Variants in RELN observed in about 807,000 individuals in gnomAD.
RELN encodes reelin.
Under a neutral mutation model 427.6 loss-of-function variants are expected in RELN, and 108 were observed. The ratio of observed to expected loss-of-function variants is 0.25; its 90% CI spans 0.22 to 0.30. RELN has a LOEUF of 0.30. Ranked by LOEUF, RELN falls within the 10% of genes least tolerant of loss-of-function variation. The probability of loss-of-function intolerance (pLI) is 1.00; values close to 1 mark genes in which losing one functional copy is unlikely to be tolerated. For synonymous variants in RELN, 1,524 were observed against 1,513.4 expected (o/e 1.01, Z -0.16); for missense variants, 3,715 against 4,302.8 (o/e 0.86, Z 3.82).
intron 46 of RELN, 43 bp downstream of exon 46, chr7:103,535,273 C>G (rs771534417): frequency 1.3e-6 from 2 of 1,595,748 alleles, no homozygotes; most frequent in Admixed American, 1.7e-5. Context: ...TTTGGGCTCA[C>G]TATACGTAGA....
intron 6 of RELN, among the ~76,000 whole-genome samples, chr7:103,733,758 G>A (rs1790418921): frequency 6.7e-6 from 1 of 149,692 alleles, no homozygotes; most frequent in African/African-American, 2.5e-5. Flanking sequence ...CATGGACACA[G>A]GAAGGGGAAC....
rs74423055 is a variant in RELN, at chr7:103,885,060, G to C, written c.337+32015C>G. On this transcript the variant is annotated intron_variant, in intron 2 of 64. Coordinates refer to ENST00000428762, the MANE Select transcript of RELN (RefSeq NM_005045.4). ...TGCTCATCAATGATAGACTGGATAGGCAGGCATAGTGGCTCACGCCTGTAA... is the reference window on the plus strand; with the variant it reads ...TGCTCATCAATGATAGACTGGATAGCCAGGCATAGTGGCTCACGCCTGTAA... 4.0e-3 allele frequency among the ~76,000 whole-genome samples: 606 copies of C among 152,038 alleles called. 23 individuals are homozygous for C. The East Asian group carries it at 0.073, about 18-fold the overall frequency.
At position 103,500,887 on chromosome 7, in the gene RELN, T is replaced by C. The variant is rs1447804180; in HGVS notation, c.8525A>G (p.Asp2842Gly). Reference sequence around the variant, plus strand: ...GAAATTATCGATTGCCCACTGCATGTCTGAGTACTTCTGATAGAACCTAAA... The same window carrying C: ...GAAATTATCGATTGCCCACTGCATGCCTGAGTACTTCTGATAGAACCTAAA... ...VRFRFYQKYSDMQWAIDNFYL... is the reference protein window; with the variant it reads ...VRFRFYQKYSGMQWAIDNFYL... The change falls in exon 53 of 65, where the codon GAC (aspartate) becomes GGC (glycine). Residue 2842 changes from aspartate (D) to glycine (G), a missense_variant. Around this residue, in one of 4 missense-constraint regions of RELN, gnomAD observed 1,310 missense variants for 1,643.0 expected, o/e 0.80. Transcript: ENST00000428762. 1 of 1,614,132 alleles carries C rather than the reference T, an allele frequency of 6.2e-7. No individual in the cohort carries two copies. Among genetic ancestry groups the C allele is most frequent in the East Asian group, 2.2e-5 (1 of 44,884 alleles).
intron 1 of RELN, among the ~76,000 whole-genome samples, chr7:103,983,022 G>T (rs888049468): frequency 1.3e-5 from 2 of 152,120 alleles, no homozygotes; most frequent in Non-Finnish European, 2.9e-5. Flanking sequence ...AGCTAATTCA[G>T]CATTAAAGGA....
rs556880312 is a variant in RELN at position 103,495,981 on chromosome 7, C to T, written c.9194-83G>A. 39 of 1,412,338 alleles carry T rather than the reference C, an allele frequency of 2.8e-5. 2 individuals carry two copies. In the South Asian group the frequency reaches 2.8e-4, roughly 10 times the overall value. 87.5% of individuals were successfully genotyped at this position (1,412,338 alleles called of 1,614,324 possible). On this transcript the variant is annotated intron_variant, in intron 56 of 64. Transcript: ENST00000428762. ...CAATATGGCATATTATTCTCTTGAA[C>T]TGACCGATTTATTGTTGAATTCCTT...
At chr7:103,733,119 A>G (rs999968262) in intron 6 of RELN, among the ~76,000 whole-genome samples, 3 of 152,202 alleles carry the variant, frequency 2.0e-5, no homozygotes, top group African/African-American at 7.2e-5. Context: ...CCCATCAAAA[A>G]GTGGGCGAAG....
intron 62 of RELN, 37 bp downstream of exon 62, chr7:103,483,616 G>A (rs781199064): frequency 1.9e-6 from 3 of 1,595,272 alleles, no homozygotes; most frequent in Non-Finnish European, 2.6e-6. Flanking sequence ...CAAAGGGATT[G>A]TGCATGAGAC....
At chr7:103,890,800 A>C (rs1794831620) in intron 2 of RELN, among the ~76,000 whole-genome samples, 1 of 152,174 alleles carries the variant, frequency 6.6e-6, no homozygotes, top group Admixed American at 6.5e-5. Flanking sequence ...TCCATTGTCC[A>C]GGCACGATGG....
At chr7:103,749,030 CATA>C (rs1486350427) in intron 6 of RELN, among the ~76,000 whole-genome samples, 1 of 152,112 alleles carries the variant, frequency 6.6e-6, no homozygotes, top group Admixed American at 6.5e-5. Context: ...CTGGAGTATA[CATA>C]ATGAGTTGAC....
At chr7:103,479,218 A>G (rs1164031027) in intron 63 of RELN, among the ~76,000 whole-genome samples, 2 of 152,188 alleles carry the variant, frequency 1.3e-5, no homozygotes, top group Non-Finnish European at 2.9e-5. Flanking sequence ...TGAGTGCCCA[A>G]CAAAAATGGT....
At chr7:103,680,118 C>A (rs906485970) in intron 11 of RELN, among the ~76,000 whole-genome samples, 2 of 151,722 alleles carry the variant, frequency 1.3e-5, no homozygotes, top group African/African-American at 2.4e-5. Context: ...CCCCCCCAAA[C>A]AATAAGAGCA....
chr7:103,494,144 G>T (rs1027141573), intron 57 of RELN, among the ~76,000 whole-genome samples: 3 of 152,144 alleles, frequency 2.0e-5, no homozygotes, highest in Non-Finnish European at 4.4e-5. Flanking sequence ...ACTAAGCTAA[G>T]AATACTCCTG....
intron 11 of RELN, among the ~76,000 whole-genome samples, chr7:103,672,395 C>A (rs919444442): frequency 6.6e-6 from 1 of 152,126 alleles, no homozygotes; most frequent in Non-Finnish European, 1.5e-5. Flanking sequence ...GGGCTCAGGA[C>A]TTCTATGAAG....
intron 2 of RELN, among the ~76,000 whole-genome samples, chr7:103,900,007 A>G (rs28804733): frequency 6.6e-6 from 1 of 152,022 alleles, no homozygotes; most frequent in South Asian, 2.1e-4. Flanking sequence ...GAAGTCAAAT[A>G]GTCCCTGTTT....
Position 103,573,664 on chromosome 7 carries a change from A to G in RELN, c.4511+428T>C, listed in dbSNP as rs1830932751. Among the ~76,000 whole-genome samples, 1 of 152,234 alleles carries G rather than the reference A, an allele frequency of 6.6e-6. No homozygotes were observed. Among genetic ancestry groups the G allele is most frequent in the African/African-American group, 2.4e-5 (1 of 41,450 alleles). On this transcript the variant is annotated intron_variant, in intron 30 of 64. Transcript: ENST00000428762. This position sits in a 1 kb window ranked among gnomAD's most constrained non-coding sequence, Gnocchi z 4.4. ...TTATTTTACCAGTAGGTGTCAGTGT[A>G]GGCATTTAAAATTTCTGGGGACCAT...
chr7:103,952,785 T>C (rs1237085694), intron 1 of RELN, among the ~76,000 whole-genome samples: 1 of 152,244 alleles, frequency 6.6e-6, no homozygotes, highest in Non-Finnish European at 1.5e-5. Context: ...AAAATCATTA[T>C]ATTGTTTAAG....
At chr7:103,478,523 C>T (rs1828116451) in intron 63 of RELN, 129 bp from the exon 64 acceptor site, 1 of 682,446 alleles carries the variant, frequency 1.5e-6, no homozygotes, top group Middle Eastern at 2.4e-4. Context: ...GATTTTTCAT[C>T]TCTTTTGAAA....
intron 2 of RELN, among the ~76,000 whole-genome samples, chr7:103,892,727 G>C (rs918763225): frequency 6.6e-6 from 1 of 152,006 alleles, no homozygotes; most frequent in Non-Finnish European, 1.5e-5. Flanking sequence ...TTCAATAATT[G>C]GAAAAATACT....
At chr7:103,599,166 T>C (rs980534000) in intron 24 of RELN, among the ~76,000 whole-genome samples, 6 of 152,244 alleles carry the variant, frequency 3.9e-5, no homozygotes, top group African/African-American at 1.4e-4. Flanking sequence ...TCTAAATTAA[T>C]CAAAATGTCA....
Sources: allele counts gnomAD v4.1 joint callset (sites outside exome capture counted in the v4.1 genomes callset), GRCh38; gene constraint gnomAD v4.1.1; regional missense constraint gnomAD v4.1.1; non-coding constraint Gnocchi (gnomAD v3.1); transcripts MANE v1.5; gene names NCBI Gene and HGNC (gene_info 2026-07-23, HGNC 2026-07-21).